The following PTPRD variants were observed in gnomAD, a reference collection of about 807,000 sequenced individuals.
PTPRD encodes protein tyrosine phosphatase receptor type D, also known as receptor-type tyrosine-protein phosphatase delta.
A neutral mutation model predicts 214.5 loss-of-function variants in PTPRD; 34 were observed. The observed-to-expected ratio is 0.16, with a 90% confidence interval of 0.12 to 0.21. The LOEUF is 0.21. Among genes scored for constraint, PTPRD ranks in the 10% least tolerant of loss-of-function variants. The pLI, the probability that PTPRD is intolerant of heterozygous loss-of-function variation, is 1.00. For missense variants in PTPRD, 2,545 were observed against 2,398.7 expected (o/e 1.06, Z -1.27); for synonymous variants, 1,128 against 845.7 (o/e 1.33, Z -5.79).
At chr9:8,585,619 T>C (rs1315823997) in intron 14 of PTPRD, among the ~76,000 whole-genome samples, 2 of 152,244 alleles carry the variant, frequency 1.3e-5, no homozygotes, top group African/African-American at 2.4e-5. Context: ...TAACTCTATA[T>C]GTAGGTAAGT....
At chr9:9,750,633 A>T (rs1466932403) in intron 6 of PTPRD, among the ~76,000 whole-genome samples, 1 of 152,148 alleles carries the variant, frequency 6.6e-6, no homozygotes, top group South Asian at 2.1e-4. Flanking sequence ...GGGTGTGGGT[A>T]TGTGTGTGTG....
intron 8 of PTPRD, among the ~76,000 whole-genome samples, chr9:9,490,470 G>A (rs1207043644): frequency 6.6e-6 from 1 of 151,928 alleles, no homozygotes; most frequent in Non-Finnish European, 1.5e-5. Context: ...TGTAACTTTG[G>A]TTTGTAACTC....
chr9:10,543,473 T>TACAC (rs1462198412), intron 2 of PTPRD, among the ~76,000 whole-genome samples: 8 of 54,342 alleles, frequency 1.5e-4, no homozygotes, highest in Admixed American at 4.8e-4. Flanking sequence ...GTTTAATATA[T>TACAC]ATATATACAC....
At chr9:9,533,844 T>A (rs2075991516) in intron 8 of PTPRD, among the ~76,000 whole-genome samples, 1 of 152,064 alleles carries the variant, frequency 6.6e-6, no homozygotes, top group Admixed American at 6.6e-5. Flanking sequence ...GGCAAACAAA[T>A]TCAGAGTATT....
rs112492880 is a variant in PTPRD, at chr9:8,621,677, G to A, written c.352+11640C>T. Among the ~76,000 whole-genome samples, 36 of 151,972 alleles carry A rather than the reference G, an allele frequency of 2.4e-4. 1 individual carries two copies. Among genetic ancestry groups the A allele is most frequent in the South Asian group, 2.3e-3 (11 of 4,820 alleles). The stretch of plus-strand genomic sequence containing the variant: ...GCCAGTGAGTGTTAACTTTATTAAC[G>A]CATCTTTGCAACTAAGATTAATGGG... On this transcript the variant is annotated intron_variant, in intron 14 of 45. Coordinates refer to ENST00000381196, the MANE Select transcript of PTPRD (RefSeq NM_002839.4).
At chr9:9,274,992 T>A (rs1448112235) in intron 9 of PTPRD, among the ~76,000 whole-genome samples, 1 of 132,972 alleles carries the variant, frequency 7.5e-6, no homozygotes, top group Non-Finnish European at 1.6e-5. Flanking sequence ...ATTTAATTTG[T>A]TTAACTCAAA....
intron 3 of PTPRD, among the ~76,000 whole-genome samples, chr9:10,179,392 A>G (rs1437400685): frequency 2.0e-5 from 3 of 152,062 alleles, no homozygotes; most frequent in Non-Finnish European, 4.4e-5. Flanking sequence ...AACTTCAGTA[A>G]GATATGGAAA....
At chr9:9,658,331 C>T (rs572267922) in intron 7 of PTPRD, among the ~76,000 whole-genome samples, 3 of 152,188 alleles carry the variant, frequency 2.0e-5, no homozygotes, top group African/African-American at 4.8e-5. Flanking sequence ...ATTTATCTCC[C>T]GAACTGGGTT....
intron 14 of PTPRD, among the ~76,000 whole-genome samples, chr9:8,545,778 A>G (rs1340445203): frequency 6.6e-6 from 1 of 152,256 alleles, no homozygotes; most frequent in African/African-American, 2.4e-5. Flanking sequence ...AATGAATGAC[A>G]TGGATACTTG....
At chr9:9,695,342 T>A (rs2097353313) in intron 7 of PTPRD, among the ~76,000 whole-genome samples, 1 of 152,088 alleles carries the variant, frequency 6.6e-6, no homozygotes, top group Non-Finnish European at 1.5e-5. Flanking sequence ...TTCTCTTCAC[T>A]CTCCTCTTTT....
At chr9:9,822,868 G>A (rs2153578268) in intron 5 of PTPRD, among the ~76,000 whole-genome samples, 1 of 152,234 alleles carries the variant, frequency 6.6e-6, no homozygotes, top group Non-Finnish European at 1.5e-5. Flanking sequence ...CTGTTGGTGG[G>A]AATGTAAGTC....
At chr9:8,953,479 C>T (rs903112512) in intron 11 of PTPRD, among the ~76,000 whole-genome samples, 1 of 151,750 alleles carries the variant, frequency 6.6e-6, no homozygotes, top group South Asian at 2.1e-4. Flanking sequence ...GCAATGGCAA[C>T]AAAAACAAAA....
chr9:8,504,665 T>C (rs966032000), intron 22 of PTPRD, among the ~76,000 whole-genome samples: 2 of 152,150 alleles, frequency 1.3e-5, no homozygotes, highest in Admixed American at 1.3e-4. Context: ...GTCAGCCAAA[T>C]ACATCAGATA....
intron 8 of PTPRD, among the ~76,000 whole-genome samples, chr9:9,412,357 T>C (rs1214001490): frequency 6.6e-6 from 1 of 152,184 alleles, no homozygotes; most frequent in Non-Finnish European, 1.5e-5. Context: ...TGCCTAATTT[T>C]CTATGTATGT....
intron 10 of PTPRD, among the ~76,000 whole-genome samples, chr9:9,086,122 G>T (rs2154427479): frequency 6.6e-6 from 1 of 152,218 alleles, no homozygotes; most frequent in Admixed American, 6.5e-5. Flanking sequence ...TTTAAGTAAG[G>T]ATCACTTCCA....
intron 3 of PTPRD, among the ~76,000 whole-genome samples, chr9:10,180,056 ATTT>A (rs3075572): frequency 0.24 from 35,933 of 151,888 alleles, 4,465 homozygotes; most frequent in South Asian, 0.36. Flanking sequence ...GAGACTTACA[ATTT>A]TTAACTTATT....
intron 11 of PTPRD, among the ~76,000 whole-genome samples, chr9:8,750,769 G>A (rs1565783773): frequency 1.3e-5 from 2 of 152,164 alleles, no homozygotes; most frequent in Admixed American, 6.5e-5. Context: ...AAAATAAAGT[G>A]GGCCCAGGTT....
At chr9:10,037,940 T>C (rs573269153) in intron 3 of PTPRD, among the ~76,000 whole-genome samples, 1 of 152,312 alleles carries the variant, frequency 6.6e-6, no homozygotes, top group African/African-American at 2.4e-5. Context: ...AAAAGTAGTT[T>C]AATTTCACTA....
intron 9 of PTPRD, among the ~76,000 whole-genome samples, chr9:9,387,830 G>A (rs114440721): frequency 0.037 from 5,631 of 152,210 alleles, 373 homozygotes; most frequent in African/African-American, 0.13. Flanking sequence ...GGCAATGTCT[G>A]TGGTAAAAAT....
Sources: allele counts gnomAD v4.1 joint callset (sites outside exome capture counted in the v4.1 genomes callset), GRCh38; gene constraint gnomAD v4.1.1; transcripts MANE v1.5; gene names NCBI Gene and HGNC (gene_info 2026-07-23, HGNC 2026-07-21).